The following TMEM178B variants were observed in gnomAD, a reference collection of about 807,000 sequenced individuals.
TMEM178B encodes the protein transmembrane protein 178B.
Under a neutral mutation model 31.0 loss-of-function variants are expected in TMEM178B, and 5 were observed. That is an observed-to-expected ratio of 0.16 (90% CI 0.08 to 0.34). TMEM178B has a LOEUF of 0.34. Ranked by LOEUF, TMEM178B falls within the 10% of genes least tolerant of loss-of-function variation. The pLI is 1.00. For missense variants in TMEM178B, 275 were observed against 400.3 expected (o/e 0.69, Z 2.67); for synonymous variants, 164 against 164.0 (o/e 1.00, Z 0.00).
chr7:141,165,130 A>T (rs1338345827), intron 1 of TMEM178B, among the ~76,000 whole-genome samples: 2 of 152,208 alleles, frequency 1.3e-5, no homozygotes, highest in African/African-American at 2.4e-5. Context: ...TAACATTGGT[A>T]CAATATTATC....
At chr7:141,284,629 TG>T (rs763026920) in intron 2 of TMEM178B, among the ~76,000 whole-genome samples, 5 of 152,214 alleles carry the variant, frequency 3.3e-5, no homozygotes, top group Non-Finnish European at 7.3e-5. Context: ...AAAGTGAAAG[TG>T]GCATTTGTCA....
intron 2 of TMEM178B, among the ~76,000 whole-genome samples, chr7:141,219,079 G>A (rs1158222637): frequency 1.3e-5 from 2 of 152,168 alleles, no homozygotes; most frequent in Non-Finnish European, 2.9e-5. Context: ...ACCTCTTTTT[G>A]TTCAGTCAGC....
intron 2 of TMEM178B, among the ~76,000 whole-genome samples, chr7:141,333,471 A>T (rs1586897263): frequency 1.3e-5 from 2 of 152,208 alleles, no homozygotes; most frequent in Non-Finnish European, 2.9e-5. Flanking sequence ...TACACCCACA[A>T]ATTTTTAGGT....
chr7:141,496,773 C>CAA, the TMEM178B span, among the ~76,000 whole-genome samples: 2,165 of 149,990 alleles, frequency 0.014, 58 homozygotes, highest in African/African-American at 0.05. Context: ...GGAATTACTG[C>CAA]AAAAAAAATG....
chr7:141,310,513 C>A (rs1384259148), intron 2 of TMEM178B, among the ~76,000 whole-genome samples: 1 of 152,150 alleles, frequency 6.6e-6, no homozygotes, highest in East Asian at 1.9e-4. Flanking sequence ...CACCTATCAA[C>A]CCATCATCTA....
intron 2 of TMEM178B, among the ~76,000 whole-genome samples, chr7:141,379,839 G>T (rs893588502): frequency 6.6e-6 from 1 of 152,034 alleles, no homozygotes; most frequent in African/African-American, 2.4e-5. Flanking sequence ...AGAAGTGAAG[G>T]CTTCTGGTTC....
At chr7:141,428,692 G>A (rs563655441) in intron 2 of TMEM178B, among the ~76,000 whole-genome samples, 1 of 152,306 alleles carries the variant, frequency 6.6e-6, no homozygotes, top group African/African-American at 2.4e-5. Context: ...GGAAACCCTG[G>A]AACCATGCCA....
intron 2 of TMEM178B, among the ~76,000 whole-genome samples, chr7:141,420,406 T>TGA (rs1052130760): frequency 1.3e-5 from 2 of 151,874 alleles, no homozygotes; most frequent in Non-Finnish European, 2.9e-5. Flanking sequence ...TTTTTTCAAG[T>TGA]GAGAGGTAAG....
At chr7:141,187,702 G>A (rs1381516944) in intron 1 of TMEM178B, among the ~76,000 whole-genome samples, 1 of 152,188 alleles carries the variant, frequency 6.6e-6, no homozygotes, top group South Asian at 2.1e-4. Context: ...GTGATGATGA[G>A]CATTTTTTCA....
chr7:141,202,001 C>T (rs1586823050), intron 1 of TMEM178B, among the ~76,000 whole-genome samples: 1 of 152,242 alleles, frequency 6.6e-6, no homozygotes, highest in African/African-American at 2.4e-5. Flanking sequence ...GATTTGAATG[C>T]CACCTCTGCC....
chr7:141,092,401 C>T (rs775933488), intron 1 of TMEM178B, among the ~76,000 whole-genome samples: 4 of 152,102 alleles, frequency 2.6e-5, no homozygotes, highest in African/African-American at 9.7e-5. Flanking sequence ...GCTGGGGACA[C>T]TTACAGTCTA....
chr7:141,233,208 G>C (rs957547107), intron 2 of TMEM178B, among the ~76,000 whole-genome samples: 1 of 152,198 alleles, frequency 6.6e-6, no homozygotes, highest in African/African-American at 2.4e-5. Context: ...GTCTATGCTA[G>C]GGCAAGGGAC....
chr7:141,275,142 A>T (rs899399672), intron 2 of TMEM178B, among the ~76,000 whole-genome samples: 5 of 152,214 alleles, frequency 3.3e-5, no homozygotes, highest in Non-Finnish European at 5.9e-5. Context: ...AACTATTTGC[A>T]AATCACATAT....
At chr7:141,281,738 G>C (rs1232273872) in intron 2 of TMEM178B, among the ~76,000 whole-genome samples, 1 of 152,194 alleles carries the variant, frequency 6.6e-6, no homozygotes, top group Non-Finnish European at 1.5e-5. Flanking sequence ...CTAGTGGGGG[G>C]AGATACTTTC....
At chr7:141,455,210 C>G (rs193136295) in intron 3 of TMEM178B, among the ~76,000 whole-genome samples, 59 of 152,298 alleles carry the variant, frequency 3.9e-4, no homozygotes, top group African/African-American at 1.2e-3. Context: ...CAGAAGGAGT[C>G]ACCCTTCTAC....
At chr7:141,273,089 G>C (rs927879544) in intron 2 of TMEM178B, among the ~76,000 whole-genome samples, 1 of 152,184 alleles carries the variant, frequency 6.6e-6, no homozygotes, top group African/African-American at 2.4e-5. Context: ...ATGTATAAAC[G>C]TGGAGAACAT....
chr7:141,267,564 G>A (rs532168738), intron 2 of TMEM178B, among the ~76,000 whole-genome samples: 1 of 152,288 alleles, frequency 6.6e-6, no homozygotes, highest in South Asian at 2.1e-4. Context: ...TTGGATGTGG[G>A]CATCCCCAGT....
intron 1 of TMEM178B, among the ~76,000 whole-genome samples, chr7:141,092,107 C>T (rs1246660939): frequency 6.6e-6 from 1 of 152,120 alleles, no homozygotes; most frequent in Non-Finnish European, 1.5e-5. Context: ...ACAAATTCAG[C>T]TTCTGTTAAT....
At chr7:141,464,545 T>A (rs1802117861) in intron 3 of TMEM178B, among the ~76,000 whole-genome samples, 1 of 152,170 alleles carries the variant, frequency 6.6e-6, no homozygotes, top group Non-Finnish European at 1.5e-5. Flanking sequence ...TAAAAAGCTT[T>A]TTATTTTAGA....
Sources: allele counts gnomAD v4.1 joint callset (sites outside exome capture counted in the v4.1 genomes callset), GRCh38; gene constraint gnomAD v4.1.1; transcripts MANE v1.5; gene names NCBI Gene and HGNC (gene_info 2026-07-23, HGNC 2026-07-21).